The following ZDHHC11 variants were observed in gnomAD, a reference collection of about 807,000 sequenced individuals.
ZDHHC11 encodes palmitoyltransferase ZDHHC11.
A neutral mutation model predicts 51.3 loss-of-function variants in ZDHHC11; 44 were observed. The observed-to-expected ratio is 0.86, with a 90% CI of 0.67 to 1.10. The LOEUF is 1.10. Among genes scored for constraint, ZDHHC11 ranks in the 50% least tolerant of loss-of-function variants. The pLI, the probability that ZDHHC11 is intolerant of heterozygous loss-of-function variation, is 0.00. For missense variants in ZDHHC11, 400 were observed against 537.7 expected (o/e 0.74, Z 2.53); for synonymous variants, 163 against 222.0 (o/e 0.73, Z 2.36).
At chr5:810,998 G>A (rs1017514524) in intron 11 of ZDHHC11, among the ~76,000 whole-genome samples, 1 of 148,304 alleles carries the variant, frequency 6.7e-6, no homozygotes, top group African/African-American at 2.5e-5. Context: ...ATGTTAAAAG[G>A]GAAGCTGCAG....
intron 1 of ZDHHC11, among the ~76,000 whole-genome samples, 183 bp from the exon 2 acceptor site, chr5:848,843 C>T (rs1432920931): frequency 6.6e-6 from 1 of 151,198 alleles, no homozygotes; most frequent in Non-Finnish European, 1.5e-5. Context: ...CCCAGCCCTG[C>T]ACAACTGAGC....
upstream of ZDHHC11, among the ~76,000 whole-genome samples, chr5:854,735 G>A (rs140475076): frequency 5.4e-3 from 807 of 149,388 alleles, 7 homozygotes; most frequent in African/African-American, 0.019. Context: ...GTGAGCAGCC[G>A]GGACAGACCC....
Position 823,689 on chromosome 5 carries a change from G to A in ZDHHC11, c.1023+1475C>T, listed in dbSNP as rs532815821. 3.8e-5 allele frequency: 7 copies of A among 186,560 alleles called. 1 individual carries two copies. Among genetic ancestry groups the A allele is most frequent in the South Asian group, 1.1e-4 (1 of 8,910 alleles). 11.6% of individuals were successfully genotyped at this position (186,560 alleles called of 1,614,324 possible). ...ATTGTCCTGGAGCCCACGGAGACGCGGGCTTGGGATTCAACATGATGCTGA... is the reference window on the plus strand; with the variant it reads ...ATTGTCCTGGAGCCCACGGAGACGCAGGCTTGGGATTCAACATGATGCTGA... On this transcript the variant is annotated intron_variant, in intron 8 of 12. Transcript: ENST00000283441.
Position 838,124 on chromosome 5 carries a change from G to C in ZDHHC11, c.785-644C>G, listed in dbSNP as rs997144749. Among the ~76,000 whole-genome samples the C allele has an allele frequency of 7.0e-4, 106 of 151,838 alleles. 1 individual carries two copies. The highest frequency in any genetic ancestry group is 2.1e-3 in the African/African-American group (86 of 41,514). ...TGCCACTCAGCACAGCCTCTGATGG[G>C]GCTGAGACAGGTCACCATCCCTGCA... On this transcript the variant is annotated intron_variant, in intron 5 of 12. Transcript: ENST00000283441.
chr5:817,812 A>G (rs1561247768), intron 10 of ZDHHC11, among the ~76,000 whole-genome samples: 2 of 151,222 alleles, frequency 1.3e-5, no homozygotes, highest in Non-Finnish European at 3.0e-5. Flanking sequence ...CCAGAAATAT[A>G]AAGAAGGGCT....
At chr5:828,325 AC>A (rs1162126765) in intron 7 of ZDHHC11, among the ~76,000 whole-genome samples, 1 of 149,612 alleles carries the variant, frequency 6.7e-6, no homozygotes, top group Admixed American at 6.6e-5. Flanking sequence ...GGGCGGAGGC[AC>A]CCCCCACCTC....
chr5:852,906 G>A (rs961243330), upstream of ZDHHC11, among the ~76,000 whole-genome samples: 1 of 146,550 alleles, frequency 6.8e-6, no homozygotes, highest in African/African-American at 2.5e-5. Context: ...GAGCAGCGGG[G>A]ACAGACCCCG....
chr5:843,928 A>C (rs192486717), intron 3 of ZDHHC11, among the ~76,000 whole-genome samples: 8 of 92,646 alleles, frequency 8.6e-5, no homozygotes, highest in African/African-American at 4.2e-4. Context: ...AGGGCATCTG[A>C]GGCAGGGGCG....
At chr5:796,640 T>G (rs1328458998) in intron 12 of ZDHHC11, 60 bp from the exon 13 acceptor site, 5 of 151,606 alleles carry the variant, frequency 3.3e-5, no homozygotes, top group African/African-American at 1.2e-4. Context: ...TCAGCTCTAC[T>G]TGTGATGGAA....
Position 837,579 on chromosome 5 carries a change from G to A in ZDHHC11, c.785-99C>T, listed in dbSNP as rs552134177. The A allele has an allele frequency of 5.2e-5, 69 of 1,323,580 alleles. No homozygotes were observed. In the African/African-American group the frequency reaches 5.3e-4, roughly 10 times the overall value. The allele number at this position is 1,323,580 out of a possible 1,614,324, so 82.0% of individuals were successfully genotyped here. ...GCAGAGTGGCCAGTGCCACTGATCCGGCCCCTGCACAGGGAGAACTGCTCC... is the reference window on the plus strand; with the variant it reads ...GCAGAGTGGCCAGTGCCACTGATCCAGCCCCTGCACAGGGAGAACTGCTCC... On this transcript the variant is annotated intron_variant, in intron 5 of 12. Coordinates refer to ENST00000283441, the MANE Select transcript of ZDHHC11 (RefSeq NM_024786.3).
intron 3 of ZDHHC11, among the ~76,000 whole-genome samples, chr5:844,819 C>A (rs1358524950): frequency 6.6e-6 from 1 of 152,308 alleles, no homozygotes; most frequent in Admixed American, 6.5e-5. Flanking sequence ...CAAATCCACT[C>A]CCAGTCTCTC....
upstream of ZDHHC11, among the ~76,000 whole-genome samples, chr5:853,861 CAG>C (rs1747702909): frequency 6.9e-6 from 1 of 144,146 alleles, no homozygotes. Context: ...GGACAGTGAG[CAG>C]CGGGGACAGA....
At position 796,471 on chromosome 5, in the gene ZDHHC11, G is replaced by A. The variant is rs1737583644; in HGVS notation, c.*117C>T. ...GATGATGGGCTCTGGTTCCTGGCCT[G>A]TAGCATGGGTAGGAGCAGGAGGCTT... On this transcript the variant is annotated 3_prime_UTR_variant, in exon 13 of 13. Coordinates refer to ENST00000283441, the MANE Select transcript of ZDHHC11 (RefSeq NM_024786.3). 6.7e-6 allele frequency: 1 copy of A among 148,698 alleles called. No individual in the cohort carries two copies. Among genetic ancestry groups the A allele is most frequent in the Non-Finnish European group, 1.5e-5 (1 of 66,952 alleles). 9.2% of individuals were successfully genotyped at this position (148,698 alleles called of 1,614,324 possible).
intron 6 of ZDHHC11, among the ~76,000 whole-genome samples, chr5:836,844 T>A (rs1354140268): frequency 6.7e-6 from 1 of 150,000 alleles, no homozygotes; most frequent in Non-Finnish European, 1.5e-5. Flanking sequence ...GCGGATCACC[T>A]GAGGCCAGAA....
chr5:844,831 T>A (rs1278534520), intron 3 of ZDHHC11, among the ~76,000 whole-genome samples: 1 of 152,306 alleles, frequency 6.6e-6, no homozygotes, highest in Admixed American at 6.5e-5. Context: ...CAGTCTCTCG[T>A]CTTTGCTCAA....
chr5:810,381 C>A (rs1345447712), intron 11 of ZDHHC11, among the ~76,000 whole-genome samples: 1 of 150,914 alleles, frequency 6.6e-6, no homozygotes, highest in South Asian at 2.1e-4. Flanking sequence ...CCATTCCCTT[C>A]GACATCCCAC....
chr5:802,418 A>G (rs531539095), intron 11 of ZDHHC11, among the ~76,000 whole-genome samples: 1 of 151,536 alleles, frequency 6.6e-6, no homozygotes, highest in East Asian at 1.9e-4. Context: ...TAAAGGCATG[A>G]CAAAGTATGA....
chr5:802,643 C>A (rs1231775702), intron 11 of ZDHHC11, among the ~76,000 whole-genome samples: 58 of 149,962 alleles, frequency 3.9e-4, no homozygotes, highest in African/African-American at 1.3e-3. Flanking sequence ...GGAAACTCTG[C>A]AACCTGGTCA....
intron 4 of ZDHHC11, chr5:842,024 T>G (rs1365725005): frequency 2.0e-6 from 2 of 987,038 alleles, no homozygotes; most frequent in Non-Finnish European, 2.4e-6. Context: ...TCACGATGAG[T>G]TCAGCCCATG....
Sources: gnomAD v4.1 joint callset for allele counts (sites outside exome capture counted in the v4.1 genomes callset) on GRCh38, gnomAD v4.1.1 for gene constraint, MANE v1.5 for transcripts, NCBI Gene and HGNC (gene_info 2026-07-23, HGNC 2026-07-21) for gene names.